PRRT4: variants seen among roughly 807,000 people sequenced by gnomAD.
PRRT4 encodes proline rich transmembrane protein 4, also known as proline-rich transmembrane protein 4.
PRRT4 carries 59 observed loss-of-function variants against 55.6 expected under a neutral mutation model. The observed-to-expected ratio is 1.06, with a 90% CI of 0.86 to 1.32. The LOEUF is 1.32. Ranked by LOEUF, PRRT4 falls within the 40% of genes most tolerant of loss-of-function variation. The pLI, the probability that PRRT4 is intolerant of heterozygous loss-of-function variation, is 0.00. For synonymous variants in PRRT4, 606 were observed against 601.8 expected (o/e 1.01, Z -0.10); for missense variants, 1,217 against 1,222.0 (o/e 1.00, Z 0.06).
intron 4 of PRRT4, among the ~76,000 whole-genome samples, chr7:128,355,563 G>C (rs907062920): frequency 1.3e-5 from 2 of 152,178 alleles, no homozygotes; most frequent in Non-Finnish European, 2.9e-5. Context: ...TCAATTAAAC[G>C]AGAAACTACT....
At chr7:128,350,889 C>G in exon 5 of PRRT4, 1 of 1,550,940 alleles carries the variant, frequency 6.4e-7, no homozygotes, top group Non-Finnish European at 8.7e-7. Flanking sequence ...CCACGCTCAG[C>G]TCGTCGATCT....
exon 5 of PRRT4, chr7:128,351,439 G>T (rs773454660): frequency 6.6e-7 from 1 of 1,525,306 alleles, no homozygotes; most frequent in South Asian, 1.2e-5. Flanking sequence ...AGCCGGGGAC[G>T]GGGCCGGGTT....
chr7:128,359,952 A>G, exon 2 of PRRT4: 2 of 1,439,968 alleles, frequency 1.4e-6, no homozygotes, highest in South Asian at 1.5e-5. Context: ...AACAGGACGC[A>G]GCAGAACAGT....
exon 5 of PRRT4, chr7:128,351,431 C>T: frequency 1.3e-6 from 2 of 1,527,238 alleles, no homozygotes; most frequent in Non-Finnish European, 8.8e-7. Context: ...GGAGAGGAAG[C>T]CGGGGACGGG....
At chr7:128,354,779 C>G (rs918175289) in intron 4 of PRRT4, among the ~76,000 whole-genome samples, 1 of 152,180 alleles carries the variant, frequency 6.6e-6, no homozygotes, top group Non-Finnish European at 1.5e-5. Flanking sequence ...TAAATATACA[C>G]AGCTCACTGC....
chr7:128,355,600 C>G (rs1797096458), intron 4 of PRRT4, among the ~76,000 whole-genome samples: 2 of 152,198 alleles, frequency 1.3e-5, no homozygotes, highest in South Asian at 4.1e-4. Context: ...GCTTGCTGAT[C>G]AGGTGGCATA....
chr7:128,359,263 A>C lies in PRRT4; in HGVS notation c.653-10T>G. ...GTAGTGCCAAAGAATCCTGCAAAAG[A>C]AGCCCAGGCTGAAGCTGCCTCCTAC... is the stretch of plus-strand genomic sequence containing the variant. On this transcript the variant is annotated splice_polypyrimidine_tract_variant and intron_variant, in intron 2 of 4. Transcript: ENST00000535159. The C allele has an allele frequency of 2.6e-6, 4 of 1,548,932 alleles. No homozygotes were observed. Among genetic ancestry groups the C allele is most frequent in the South Asian group, 1.2e-5 (1 of 83,712 alleles).
At chr7:128,359,921 T>C in exon 2 of PRRT4, 1 of 1,448,554 alleles carries the variant, frequency 6.9e-7, no homozygotes, top group Non-Finnish European at 9.1e-7. Flanking sequence ...GGGGGTGGGC[T>C]GGGGGCCCAC....
At chr7:128,351,663 C>G (rs1047016833) in exon 5 of PRRT4, 1 of 1,512,532 alleles carries the variant, frequency 6.6e-7, no homozygotes, top group African/African-American at 1.4e-5. Flanking sequence ...CCCAGCAGCG[C>G]GGCGGCACGC....
At chr7:128,351,561 G>C in exon 5 of PRRT4, 1 of 1,490,214 alleles carries the variant, frequency 6.7e-7, no homozygotes, top group Non-Finnish European at 8.9e-7. Flanking sequence ...GAGCGATGGC[G>C]CTCCCCAGGG....
chr7:128,352,096 G>T, exon 5 of PRRT4: 5 of 1,158,610 alleles, frequency 4.3e-6, no homozygotes, highest in Non-Finnish European at 4.2e-6. Context: ...CGGGCGATGC[G>T]CGGCGCTCCC....
At chr7:128,354,568 A>ACAC (rs1562967733) in intron 4 of PRRT4, among the ~76,000 whole-genome samples, 3,460 of 121,238 alleles carry the variant, frequency 0.029, 60 homozygotes, top group South Asian at 0.052. Flanking sequence ...TGGCTCAAAA[A>ACAC]AAACACACAC....
chr7:128,360,245 G>A (rs1797216318), intron 1 of PRRT4, among the ~76,000 whole-genome samples, 182 bp from the exon 3 acceptor site: 1 of 152,164 alleles, frequency 6.6e-6, no homozygotes, highest in African/African-American at 2.4e-5. Context: ...TCAGGCCCCA[G>A]CACAAATCCC....
Position 128,358,769 on chromosome 7 carries a change from T to G in PRRT4, c.789A>C (p.Pro263=). ...TGGAGAGCTTCCTCTCCAGGGAGTA[T>G]GGGGGCAGGGACAGAGTGGTACCAA... The change falls in exon 4 of 5, where the codon CCA becomes CCC. Residue 263 remains proline (P), a synonymous_variant. Coordinates refer to ENST00000535159, the Ensembl canonical transcript of PRRT4. This position sits in a 1 kb window ranked among gnomAD's most constrained non-coding sequence, Gnocchi z 4.4. 3.2e-6 allele frequency: 5 copies of G among 1,551,038 alleles called. No homozygotes were observed. Among genetic ancestry groups the G allele is most frequent in the Non-Finnish European group, 4.4e-6 (5 of 1,146,694 alleles).
chr7:128,361,526 GC>G, intron 1 of PRRT4, 34 bp downstream of exon 1: 1 of 153,114 alleles, frequency 6.5e-6, no homozygotes, highest in Non-Finnish European at 1.5e-5. Flanking sequence ...CCCCTGAGCC[GC>G]CCCCGGCCCA....
exon 5 of PRRT4, chr7:128,352,554 C>G: frequency 6.5e-7 from 1 of 1,544,660 alleles, no homozygotes; most frequent in South Asian, 1.2e-5. Flanking sequence ...CGGGAGGCTG[C>G]CCCTCGCGTT....
exon 5 of PRRT4, chr7:128,350,937 C>T: frequency 1.3e-6 from 2 of 1,550,924 alleles, no homozygotes; most frequent in Non-Finnish European, 1.7e-6. Flanking sequence ...GCAGCAAGGC[C>T]TCCTCGGCCT....
chr7:128,351,227 A>T (rs1246031430), exon 5 of PRRT4: 1 of 1,539,866 alleles, frequency 6.5e-7, no homozygotes, highest in Admixed American at 2.0e-5. Flanking sequence ...GCCTCCCCTG[A>T]TCTCTCACTG....
At chr7:128,351,142 G>A (rs776682704) in exon 5 of PRRT4, 13 of 1,547,168 alleles carry the variant, frequency 8.4e-6, no homozygotes, top group Non-Finnish European at 1.0e-5. Context: ...TCCGCAGAAC[G>A]AGCCAGATGA....
Sources: allele counts gnomAD v4.1 joint callset (sites outside exome capture counted in the v4.1 genomes callset), GRCh38; gene constraint gnomAD v4.1.1; non-coding constraint Gnocchi (gnomAD v3.1); transcripts MANE v1.5; gene names NCBI Gene and HGNC (gene_info 2026-07-23, HGNC 2026-07-21).